The following ERBIN variants were observed in gnomAD, a reference collection of about 807,000 sequenced individuals.
ERBIN encodes erbb2 interacting protein, also known as densin-180-like protein.
A neutral mutation model predicts 158.4 loss-of-function variants in ERBIN; 60 were observed. The observed-to-expected ratio is 0.38, with a 90% CI of 0.31 to 0.47. The LOEUF (loss-of-function observed/expected upper bound fraction) is 0.47, where lower values mean the gene tolerates loss of function less well. ERBIN is among the 20% of genes least tolerant of loss of function. The probability of loss-of-function intolerance (pLI) is 0.99; values close to 1 mark genes in which losing one functional copy is unlikely to be tolerated. For missense variants in ERBIN, 1,610 were observed against 1,648.0 expected (o/e 0.98, Z 0.40); for synonymous variants, 594 against 557.2 (o/e 1.07, Z -0.93).
chr5:66,073,577 G>A (rs1761716913), intron 22 of ERBIN, among the ~76,000 whole-genome samples: 1 of 152,064 alleles, frequency 6.6e-6, no homozygotes. Context: ...GAAATAGAAT[G>A]CCTTTTTTAA....
At chr5:65,947,742 C>T (rs1163143564) in intron 1 of ERBIN, among the ~76,000 whole-genome samples, 1 of 152,106 alleles carries the variant, frequency 6.6e-6, no homozygotes. Flanking sequence ...TGTGGTGGCT[C>T]ACACCTGTAA....
chr5:65,948,997 C>T (rs1218376001), intron 1 of ERBIN, among the ~76,000 whole-genome samples: 1 of 152,058 alleles, frequency 6.6e-6, no homozygotes, highest in Admixed American at 6.6e-5. Flanking sequence ...CTCCTGACCT[C>T]AGGTGATCCA....
chr5:65,986,795 A>G (rs545141061), intron 1 of ERBIN, among the ~76,000 whole-genome samples: 1 of 152,240 alleles, frequency 6.6e-6, no homozygotes, highest in East Asian at 1.9e-4. Context: ...AGCTATAATT[A>G]ATAAAGCAAA....
chr5:65,991,430 A>T (rs1330530864), intron 2 of ERBIN, among the ~76,000 whole-genome samples: 3 of 152,222 alleles, frequency 2.0e-5, no homozygotes, highest in African/African-American at 7.2e-5. Context: ...TTCTGACTAC[A>T]GTAAGAATGG....
In ERBIN at chr5:65,976,944, A is replaced by C. The variant is rs990719644; in HGVS notation, c.-57-11691A>C. 1.6e-3 allele frequency among the ~76,000 whole-genome samples: 241 copies of C among 152,092 alleles called. 1 individual carries two copies. The highest frequency in any genetic ancestry group is 5.6e-3 in the African/African-American group (232 of 41,496). On this transcript the variant is annotated intron_variant, in intron 1 of 25. Transcript: ENST00000284037. ...TCTACACAGACACGGCAGCCATCCG[A>C]TTTCTCAATCTTTTCCCCACCTTTC...
intron 14 of ERBIN, among the ~76,000 whole-genome samples, chr5:66,037,823 A>G (rs1374615043): frequency 6.6e-6 from 1 of 152,044 alleles, no homozygotes; most frequent in East Asian, 1.9e-4. Flanking sequence ...GAAGGTCCAA[A>G]TTTCCTGGGG....
chr5:65,928,425 G>A (rs1015426421), intron 1 of ERBIN, among the ~76,000 whole-genome samples: 7 of 152,052 alleles, frequency 4.6e-5, no homozygotes, highest in Non-Finnish European at 8.8e-5. Flanking sequence ...AAAATAAATG[G>A]CATTGAACTT....
At chr5:66,071,490 A>G (rs552518362) in intron 21 of ERBIN, among the ~76,000 whole-genome samples, 1 of 152,328 alleles carries the variant, frequency 6.6e-6, no homozygotes, top group South Asian at 2.1e-4. Context: ...AAAGATATTA[A>G]CCAGTTAATT....
intron 1 of ERBIN, among the ~76,000 whole-genome samples, chr5:65,948,369 G>T (rs966163148): frequency 2.0e-5 from 3 of 151,584 alleles, no homozygotes; most frequent in Admixed American, 6.6e-5. Flanking sequence ...TAGAGATAAG[G>T]TCTCACTGTA....
At chr5:65,985,711 C>T (rs918288074) in intron 1 of ERBIN, among the ~76,000 whole-genome samples, 5 of 152,226 alleles carry the variant, frequency 3.3e-5, no homozygotes, top group Non-Finnish European at 5.9e-5. Flanking sequence ...CATTCATATT[C>T]GGGTCCGGCA....
At chr5:66,030,353 T>G (rs1756735353) in intron 14 of ERBIN, among the ~76,000 whole-genome samples, 1 of 152,080 alleles carries the variant, frequency 6.6e-6, no homozygotes, top group African/African-American at 2.4e-5. Flanking sequence ...TACTGGAGCT[T>G]TTTAACACAG....
intron 1 of ERBIN, among the ~76,000 whole-genome samples, chr5:65,966,161 A>G (rs1748592534): frequency 6.6e-6 from 1 of 152,206 alleles, no homozygotes; most frequent in East Asian, 1.9e-4. Context: ...AAGCTGAAAA[A>G]TATCTATTCC....
intron 19 of ERBIN, among the ~76,000 whole-genome samples, chr5:66,049,343 C>T (rs1758791524): frequency 6.6e-6 from 1 of 152,064 alleles, no homozygotes; most frequent in Admixed American, 6.6e-5. Context: ...AGTATCTTTA[C>T]ATCATCTTCC....
intron 1 of ERBIN, among the ~76,000 whole-genome samples, chr5:65,930,626 T>C (rs796310553): frequency 1.7e-4 from 26 of 152,350 alleles, no homozygotes; most frequent in African/African-American, 6.3e-4. Flanking sequence ...TTTTATACTT[T>C]GTTTTCTCAG....
At chr5:66,001,229 A>C (rs193145557) in intron 4 of ERBIN, among the ~76,000 whole-genome samples, 1 of 152,268 alleles carries the variant, frequency 6.6e-6, no homozygotes, top group African/African-American at 2.4e-5. Context: ...CTTATATTTA[A>C]GCTCTAGTGT....
At chr5:65,979,896 A>G (rs1440612846) in intron 1 of ERBIN, among the ~76,000 whole-genome samples, 1 of 152,230 alleles carries the variant, frequency 6.6e-6, no homozygotes, top group Non-Finnish European at 1.5e-5. Context: ...ATATAAGAGC[A>G]CAAAAGTTGG....
At position 66,024,325 on chromosome 5, in the gene ERBIN, A is replaced by G. The variant is rs564912303; in HGVS notation, c.692A>G (p.Gln231Arg). Residue 231 changes from glutamine (Q) to arginine (R), a missense_variant, in exon 10 of 26, where the codon CAG (glutamine) becomes CGG (arginine). By Grantham distance (43) the Gln-to-Arg change is conservative. This residue lies in a region of ERBIN where 596 missense variants were observed against 711.9 expected (regional missense o/e 0.84). Coordinates refer to ENST00000284037, the MANE Select transcript of ERBIN (RefSeq NM_001253697.2). ...TTATAGTTTATTGGTAGTTTGAAACAGCTCACATATTTGGATGTTTCTAAA... is the reference window on the plus strand; with the variant it reads ...TTATAGTTTATTGGTAGTTTGAAACGGCTCACATATTTGGATGTTTCTAAA... ...FIPGFIGSLK[Q>R]LTYLDVSKNN... The G allele has an allele frequency of 1.3e-5, 20 of 1,546,236 alleles. No individual in the cohort carries two copies. The South Asian group carries it at 2.2e-4, about 17-fold the overall frequency.
chr5:66,038,285 C>CT (rs1482490228), intron 14 of ERBIN, 98 bp from the exon 15 acceptor site: 10 of 667,166 alleles, frequency 1.5e-5, no homozygotes, highest in Admixed American at 3.0e-5. Flanking sequence ...CACATTGATA[C>CT]TTTATAGAAA....
chr5:66,013,753 T>A (rs1282727569), intron 6 of ERBIN, 115 bp downstream of exon 6: 1 of 610,720 alleles, frequency 1.6e-6, no homozygotes. Flanking sequence ...TTTTAAATTA[T>A]TCCCAAGCAT....
Sources: allele counts gnomAD v4.1 joint callset (sites outside exome capture counted in the v4.1 genomes callset), GRCh38; gene constraint gnomAD v4.1.1; regional missense constraint gnomAD v4.1.1; transcripts MANE v1.5; gene names NCBI Gene and HGNC (gene_info 2026-07-23, HGNC 2026-07-21).